The following ATP8B4 variants were observed in gnomAD, a reference collection of about 807,000 sequenced individuals.
ATP8B4 encodes probable phospholipid-transporting ATPase IM.
ATP8B4 carries 133 observed loss-of-function variants against 145.6 expected under a neutral mutation model. The observed-to-expected ratio is 0.91, with a 90% CI of 0.79 to 1.05. The LOEUF (loss-of-function observed/expected upper bound fraction) is 1.05. ATP8B4 is among the 50% of genes least tolerant of loss of function. The pLI is 0.00. For synonymous variants in ATP8B4, 507 were observed against 492.9 expected, an observed-to-expected ratio of 1.03 and a Z score of -0.38; for missense variants, 1,458 against 1,425.2, an observed-to-expected ratio of 1.02 and a Z score of -0.37.
chr15:49,935,708 T>C (rs1231428197), intron 14 of ATP8B4, among the ~76,000 whole-genome samples: 1 of 152,150 alleles, frequency 6.6e-6, no homozygotes, highest in South Asian at 2.1e-4. Context: ...TCCCAAAAAC[T>C]GTAAATTATG....
At chr15:50,050,965 T>G (rs1411059737) in intron 3 of ATP8B4, among the ~76,000 whole-genome samples, 1 of 152,160 alleles carries the variant, frequency 6.6e-6, no homozygotes, top group Admixed American at 6.5e-5. Flanking sequence ...TAGCCATCAC[T>G]CCTATCTGTT....
chr15:49,872,912 A>G (rs1368977997), intron 25 of ATP8B4, among the ~76,000 whole-genome samples: 1 of 152,232 alleles, frequency 6.6e-6, no homozygotes, highest in African/African-American at 2.4e-5. Context: ...TAGTTTTAAC[A>G]AATGCACCAT....
At chr15:50,031,242 G>T (rs577882005) in intron 6 of ATP8B4, among the ~76,000 whole-genome samples, 2 of 152,046 alleles carry the variant, frequency 1.3e-5, no homozygotes, top group Non-Finnish European at 1.5e-5. Flanking sequence ...TTTAAAAAAA[G>T]AATCAAGTTT....
chr15:50,015,041 T>C (rs1043895207), intron 6 of ATP8B4, among the ~76,000 whole-genome samples: 2 of 152,216 alleles, frequency 1.3e-5, no homozygotes, highest in African/African-American at 4.8e-5. Flanking sequence ...TACTTAATCA[T>C]GGTTCATTCA....
intron 15 of ATP8B4, among the ~76,000 whole-genome samples, chr15:49,932,855 C>T (rs1018375197): frequency 1.3e-4 from 20 of 151,984 alleles, no homozygotes; most frequent in African/African-American, 4.8e-4. Context: ...ACCCATGCCC[C>T]CTTGAAGAGG....
chr15:50,069,164 C>A (rs758380117), intron 3 of ATP8B4, among the ~76,000 whole-genome samples: 5 of 152,256 alleles, frequency 3.3e-5, no homozygotes, highest in South Asian at 2.1e-4. Flanking sequence ...CTCTTCAATC[C>A]CATTTTGTCT....
At chr15:49,903,103 C>CT (rs2153434670) in intron 20 of ATP8B4, among the ~76,000 whole-genome samples, 1 of 152,244 alleles carries the variant, frequency 6.6e-6, no homozygotes, top group South Asian at 2.1e-4. Flanking sequence ...TGTCACTGCA[C>CT]TTTCTCTGTA....
intron 2 of ATP8B4, among the ~76,000 whole-genome samples, chr15:50,096,675 G>A (rs945713911): frequency 1.3e-5 from 2 of 152,134 alleles, no homozygotes; most frequent in Non-Finnish European, 2.9e-5. Context: ...TGAATGGAAG[G>A]TTTATGCCCT....
chr15:49,866,633 A>G, intron 25 of ATP8B4, 149 bp from the exon 26 acceptor site: 3 of 842,314 alleles, frequency 3.6e-6, no homozygotes, highest in Non-Finnish European at 5.6e-6. Flanking sequence ...CACTTTCTGA[A>G]CACACACAGG....
chr15:50,028,975 C>A (rs2050209417), intron 6 of ATP8B4, among the ~76,000 whole-genome samples: 1 of 152,104 alleles, frequency 6.6e-6, no homozygotes, highest in South Asian at 2.1e-4. Flanking sequence ...TGGCTCACAC[C>A]TGTAATCCCA....
intron 9 of ATP8B4, among the ~76,000 whole-genome samples, chr15:49,993,604 G>A (rs1267640519): frequency 2.0e-5 from 3 of 152,128 alleles, no homozygotes; most frequent in South Asian, 4.1e-4. Flanking sequence ...TTTGTATATT[G>A]TTTCTAATTT....
intron 3 of ATP8B4, among the ~76,000 whole-genome samples, chr15:50,072,937 T>TCTCC (rs2053856963): frequency 5.2e-5 from 1 of 19,360 alleles, no homozygotes; most frequent in African/African-American, 2.0e-4. Flanking sequence ...TCTCTCTCTC[T>TCTCC]CTCTCTCTCT....
At position 49,990,309 on chromosome 15, in the gene ATP8B4, C is replaced by T. The variant is rs182298034; in HGVS notation, c.590-2760G>A. ...GGCAGTAAATGATCAGTTTGACAAT[C>T]GATGAGGAAACAGTTAAGGAAAAAA... On this transcript the variant is annotated intron_variant, in intron 9 of 27. Coordinates refer to ENST00000284509, the MANE Select transcript of ATP8B4 (RefSeq NM_024837.4). Among the ~76,000 whole-genome samples, 6 of 152,166 alleles carry T rather than the reference C, an allele frequency of 3.9e-5. No individual in the cohort carries two copies. In the South Asian group the frequency reaches 6.2e-4, roughly 16 times the overall value.
At chr15:50,164,699 T>C (rs913333506) in intron 1 of ATP8B4, among the ~76,000 whole-genome samples, 2 of 152,238 alleles carry the variant, frequency 1.3e-5, no homozygotes, top group Non-Finnish European at 2.9e-5. Context: ...CCCTGTGGTC[T>C]AGATGACCTT....
intron 11 of ATP8B4, 83 bp downstream of exon 11, chr15:49,981,123 G>T: frequency 8.4e-7 from 1 of 1,184,332 alleles, no homozygotes; most frequent in South Asian, 1.3e-5. Flanking sequence ...GAGAATGTAG[G>T]CTTCTTAAAG....
At chr15:50,011,465 G>A (rs2048716561) in intron 6 of ATP8B4, among the ~76,000 whole-genome samples, 1 of 152,168 alleles carries the variant, frequency 6.6e-6, no homozygotes, top group South Asian at 2.1e-4. Flanking sequence ...CCAGCACTGA[G>A]GCTGAAGGAC....
chr15:50,102,352 T>G (rs894822486), intron 2 of ATP8B4, among the ~76,000 whole-genome samples: 5 of 151,686 alleles, frequency 3.3e-5, no homozygotes, highest in African/African-American at 1.2e-4. Flanking sequence ...ATTAGTGAGA[T>G]TAACCAAGAA....
chr15:50,157,835 G>A (rs904513409), intron 1 of ATP8B4, among the ~76,000 whole-genome samples: 5 of 151,950 alleles, frequency 3.3e-5, no homozygotes, highest in African/African-American at 9.7e-5. Context: ...CTGCCATCTC[G>A]GCTCACTGCA....
intron 2 of ATP8B4, among the ~76,000 whole-genome samples, chr15:50,093,275 G>T (rs1477901741): frequency 6.6e-6 from 1 of 151,954 alleles, no homozygotes; most frequent in Non-Finnish European, 1.5e-5. Flanking sequence ...GAATGATTAT[G>T]GGTAAATCTG....
Sources: gnomAD v4.1 joint callset for allele counts (sites outside exome capture counted in the v4.1 genomes callset) on GRCh38, gnomAD v4.1.1 for gene constraint, MANE v1.5 for transcripts, NCBI Gene and HGNC (gene_info 2026-07-23, HGNC 2026-07-21) for gene names.